Variants in SYT17 observed in about 807,000 individuals in gnomAD.
The protein encoded by SYT17 is synaptotagmin 17.
Under a neutral mutation model 46.7 loss-of-function variants are expected in SYT17, and 22 were observed. That is an observed-to-expected ratio of 0.47 (90% CI 0.34 to 0.67). The LOEUF (loss-of-function observed/expected upper bound fraction) is 0.67. Among genes scored for constraint, SYT17 ranks in the 30% least tolerant of loss-of-function variants. SYT17 has a pLI of 0.01. For synonymous variants in SYT17, 251 were observed against 248.4 expected (o/e 1.01, Z -0.10); for missense variants, 519 against 612.8 (o/e 0.85, Z 1.62).
chr16:19,231,788 T>C (rs1467269859), intron 7 of SYT17, among the ~76,000 whole-genome samples: 2 of 152,266 alleles, frequency 1.3e-5, no homozygotes, highest in East Asian at 3.9e-4. Flanking sequence ...GTGCTAGACG[T>C]TATGTATTCG....
chr16:19,262,040 A>C (rs189585629), intron 7 of SYT17, among the ~76,000 whole-genome samples: 68 of 152,320 alleles, frequency 4.5e-4, no homozygotes, highest in African/African-American at 1.6e-3. Flanking sequence ...TGGCGAGTGG[A>C]TATCTGCAGT....
intron 3 of SYT17, among the ~76,000 whole-genome samples, chr16:19,174,948 C>T (rs8062238): frequency 2.0e-5 from 3 of 151,552 alleles, no homozygotes. Context: ...TGAGACCCCC[C>T]CCATGCCCCA....
intron 6 of SYT17, among the ~76,000 whole-genome samples, chr16:19,223,381 G>A (rs546653845): frequency 4.6e-5 from 7 of 152,310 alleles, no homozygotes; most frequent in Non-Finnish European, 4.4e-5. Context: ...TGAACCCAAG[G>A]AAGTGACTTG....
intron 2 of SYT17, 64 bp downstream of exon 2, chr16:19,172,841 G>A: frequency 6.3e-7 from 1 of 1,591,912 alleles, no homozygotes; most frequent in Non-Finnish European, 8.6e-7. Flanking sequence ...CTTTCATTTT[G>A]GAGTCTTATG....
chr16:19,239,534 A>T (rs11645789), intron 7 of SYT17, among the ~76,000 whole-genome samples: 1 of 151,956 alleles, frequency 6.6e-6, no homozygotes, highest in Non-Finnish European at 1.5e-5. Context: ...TATAAAATCT[A>T]TCTCAGGGTT....
chr16:19,214,686 C>T (rs10444987), intron 5 of SYT17, among the ~76,000 whole-genome samples: 2,874 of 152,232 alleles, frequency 0.019, 41 homozygotes, highest in Non-Finnish European at 0.03. Context: ...AGTGTGATGG[C>T]AACTCTCCTT....
At chr16:19,247,414 A>G (rs1392060921) in intron 7 of SYT17, among the ~76,000 whole-genome samples, 1 of 152,224 alleles carries the variant, frequency 6.6e-6, no homozygotes, top group African/African-American at 2.4e-5. Context: ...CAATTTTGAT[A>G]GATATCGTCA....
chr16:19,202,207 C>T (rs1374482170), intron 5 of SYT17, among the ~76,000 whole-genome samples: 1 of 152,070 alleles, frequency 6.6e-6, no homozygotes, highest in Non-Finnish European at 1.5e-5. Context: ...GTCAAAAGCC[C>T]CAGGGTGCCA....
At chr16:19,242,949 C>T (rs1423231094) in intron 7 of SYT17, among the ~76,000 whole-genome samples, 1 of 152,110 alleles carries the variant, frequency 6.6e-6, no homozygotes, top group Non-Finnish European at 1.5e-5. Context: ...AGATGACATG[C>T]ATGCAAGGAC....
At chr16:19,211,541 G>T in intron 5 of SYT17, 1 of 697,142 alleles carries the variant, frequency 1.4e-6, no homozygotes, top group Non-Finnish European at 2.6e-6. Flanking sequence ...AGTGTTAATG[G>T]GAAGCTTAGA....
At chr16:19,199,380 G>T (rs1474719397) in intron 5 of SYT17, among the ~76,000 whole-genome samples, 2 of 152,120 alleles carry the variant, frequency 1.3e-5, no homozygotes, top group East Asian at 3.9e-4. Context: ...CTTAAACAGG[G>T]TGACTTCTGA....
intron 5 of SYT17, among the ~76,000 whole-genome samples, chr16:19,204,962 A>C (rs1965608976): frequency 6.6e-6 from 1 of 152,104 alleles, no homozygotes; most frequent in Admixed American, 6.5e-5. Context: ...GCCTACACTC[A>C]TCAGCAAATC....
chr16:19,231,523 CAAAAAAAA>C (rs143448107), intron 7 of SYT17, among the ~76,000 whole-genome samples: 4 of 45,860 alleles, frequency 8.7e-5, no homozygotes, highest in Non-Finnish European at 1.2e-4. Flanking sequence ...AACTCCATCA[CAAAAAAAA>C]AAAAAAAAAA....
At chr16:19,220,832 C>T (rs1224756152) in intron 5 of SYT17, among the ~76,000 whole-genome samples, 2 of 152,118 alleles carry the variant, frequency 1.3e-5, no homozygotes, top group East Asian at 1.9e-4. Flanking sequence ...CTGGCTAAAT[C>T]AACCTAGCAG....
intron 7 of SYT17, among the ~76,000 whole-genome samples, chr16:19,262,788 T>C (rs186415927): frequency 6.6e-6 from 1 of 152,212 alleles, no homozygotes; most frequent in East Asian, 1.9e-4. Context: ...TGGCCCAAGG[T>C]CCTCACCATA....
chr16:19,219,611 C>T (rs972471424), intron 5 of SYT17, among the ~76,000 whole-genome samples: 2 of 152,176 alleles, frequency 1.3e-5, no homozygotes, highest in Non-Finnish European at 2.9e-5. Context: ...GCACACGTAA[C>T]TGCTACCACA....
intron 2 of SYT17, chr16:19,173,070 A>G (rs1339337606): frequency 3.5e-6 from 2 of 570,988 alleles, no homozygotes; most frequent in African/African-American, 3.7e-5. Flanking sequence ...TCAAGAAGAC[A>G]CAGTAATATT....
rs11286482 is a variant in SYT17 at position 19,257,953 on chromosome 16, GTT to G, written c.1229-8916_1229-8915del. ...TGAGTCTGCTCCCATTGGTAAAGAT[GTT>G]TTTTTTTTTTCCTTTTAATTTGCAG... is the stretch of plus-strand genomic sequence containing the variant. On this transcript the variant is annotated intron_variant, in intron 7 of 7. Coordinates refer to ENST00000355377, the MANE Select transcript of SYT17 (RefSeq NM_016524.4). Among the ~76,000 whole-genome samples, 1,067 of 149,064 alleles carry G rather than the reference GTT, an allele frequency of 7.2e-3. 20 individuals are homozygous for G. The highest frequency in any genetic ancestry group is 0.025 in the African/African-American group (995 of 40,610).
At chr16:19,170,937 T>G (rs1964056527) in intron 1 of SYT17, 1 of 152,156 alleles carries the variant, frequency 6.6e-6, no homozygotes, top group African/African-American at 2.4e-5. Flanking sequence ...ATTTTATTTT[T>G]CAGCTGGACC....
Sources: allele counts gnomAD v4.1 joint callset (sites outside exome capture counted in the v4.1 genomes callset), GRCh38; gene constraint gnomAD v4.1.1; transcripts MANE v1.5; gene names NCBI Gene and HGNC (gene_info 2026-07-23, HGNC 2026-07-21).